Variants in ICOS observed in about 807,000 individuals in gnomAD.
ICOS encodes the protein inducible T cell costimulator, also known as inducible T-cell costimulator.
ICOS carries 15 observed loss-of-function variants against 24.6 expected under a neutral mutation model. The observed-to-expected ratio is 0.61, with a 90% CI of 0.41 to 0.94. The LOEUF (loss-of-function observed/expected upper bound fraction) is 0.94. ICOS is among the 40% of genes least tolerant of loss of function. The pLI is 0.00. For missense variants in ICOS, 200 were observed against 233.0 expected (o/e 0.86, Z 0.92); for synonymous variants, 89 against 77.5 (o/e 1.15, Z -0.78).
intron 1 of ICOS, among the ~76,000 whole-genome samples, chr2:203,951,875 A>G (rs190905358): frequency 1.4e-4 from 21 of 152,356 alleles, no homozygotes; most frequent in African/African-American, 5.0e-4. Context: ...ATAAAGCCCC[A>G]AGCAAAATAC....
intron 1 of ICOS, 60 bp downstream of exon 1, chr2:203,936,932 G>T (rs1343630180): frequency 7.5e-7 from 1 of 1,339,026 alleles, no homozygotes. Flanking sequence ...TTAAGAAAAA[G>T]CAAAGGTAGA....
chr2:203,947,094 A>G (rs1055645690), intron 1 of ICOS, among the ~76,000 whole-genome samples: 8 of 152,202 alleles, frequency 5.3e-5, no homozygotes, highest in African/African-American at 1.9e-4. Flanking sequence ...TATTAAAAGC[A>G]TCAACTTGCA....
rs115107750 is a variant in ICOS at position 203,959,368 on chromosome 2, T to C, written c.587-218T>C. Reference sequence around the variant, plus strand: ...TGATGAGTTTAGATAATGTCTGTTATAGGAGTCGAGAGCTAAACTTCTCTG... The same window carrying C: ...TGATGAGTTTAGATAATGTCTGTTACAGGAGTCGAGAGCTAAACTTCTCTG... On this transcript the variant is annotated intron_variant, in intron 4 of 4. Coordinates refer to ENST00000316386, the MANE Select transcript of ICOS (RefSeq NM_012092.4). 6.9e-3 allele frequency among the ~76,000 whole-genome samples: 1,058 copies of C among 152,242 alleles called. 8 individuals carry two copies. The highest frequency in any genetic ancestry group is 0.024 in the African/African-American group (1,014 of 41,538).
At chr2:203,950,876 A>T (rs1323329089) in intron 1 of ICOS, among the ~76,000 whole-genome samples, 1 of 152,010 alleles carries the variant, frequency 6.6e-6, no homozygotes, top group African/African-American at 2.4e-5. Flanking sequence ...CCTGGCCAAC[A>T]CGGTGAAACC....
At chr2:203,943,365 CT>C (rs1197883400) in intron 1 of ICOS, among the ~76,000 whole-genome samples, 1 of 151,808 alleles carries the variant, frequency 6.6e-6, no homozygotes, top group Non-Finnish European at 1.5e-5. Flanking sequence ...TGATATCATA[CT>C]TTCCCCTTTT....
In ICOS at chr2:203,961,462, T is replaced by A. The variant is rs997748353; in HGVS notation, c.*1863T>A. 1.3e-5 allele frequency: 2 copies of A among 156,278 alleles called. No homozygotes were observed. The highest frequency in any genetic ancestry group is 4.8e-5 in the African/African-American group (2 of 41,460). The allele number at this position is 156,278 out of a possible 1,614,324, so 9.7% of individuals were successfully genotyped here. ...GCATGGGACACCTCAAGATGAATAA[T>A]AATTCACAAAATTTCTGTGAAATCA... On this transcript the variant is annotated 3_prime_UTR_variant, in exon 5 of 5. Transcript: ENST00000316386.
intron 1 of ICOS, among the ~76,000 whole-genome samples, chr2:203,941,044 C>T (rs1181865502): frequency 3.3e-5 from 5 of 152,178 alleles, no homozygotes; most frequent in Non-Finnish European, 7.3e-5. Flanking sequence ...TCCGCCTCCG[C>T]CTCCGCCTCC....
intron 1 of ICOS, among the ~76,000 whole-genome samples, chr2:203,945,420 G>C (rs189592921): frequency 6.6e-6 from 1 of 152,160 alleles, no homozygotes; most frequent in Non-Finnish European, 1.5e-5. Flanking sequence ...GAAAAGACAG[G>C]GTTTGGATTT....
At chr2:203,938,523 A>G (rs767415815) in intron 1 of ICOS, among the ~76,000 whole-genome samples, 5 of 152,186 alleles carry the variant, frequency 3.3e-5, no homozygotes, top group Non-Finnish European at 7.3e-5. Context: ...TAGAGGCCAG[A>G]CCATTCAGAC....
chr2:203,946,166 A>G (rs1026903610), intron 1 of ICOS, among the ~76,000 whole-genome samples: 21 of 152,232 alleles, frequency 1.4e-4, no homozygotes, highest in African/African-American at 5.1e-4. Flanking sequence ...TTTGTAAATT[A>G]ATTGCTTTGT....
At chr2:203,954,040 G>T (rs1158159927) in intron 1 of ICOS, among the ~76,000 whole-genome samples, 2 of 151,928 alleles carry the variant, frequency 1.3e-5, no homozygotes, top group Admixed American at 1.3e-4. Context: ...CAAAGACCAA[G>T]ATTTCAAAAC....
At chr2:203,951,096 A>G (rs997908136) in intron 1 of ICOS, among the ~76,000 whole-genome samples, 1 of 151,842 alleles carries the variant, frequency 6.6e-6, no homozygotes, top group Non-Finnish European at 1.5e-5. Context: ...TAGAAATGAC[A>G]CTCTGAAATC....
intron 1 of ICOS, among the ~76,000 whole-genome samples, chr2:203,950,055 A>C (rs991202164): frequency 5.9e-5 from 9 of 152,258 alleles, no homozygotes; most frequent in Non-Finnish European, 1.2e-4. Flanking sequence ...CCAAAGGCTA[A>C]GAAGAATTTG....
intron 1 of ICOS, among the ~76,000 whole-genome samples, chr2:203,952,828 A>G (rs1406044297): frequency 6.6e-6 from 1 of 152,170 alleles, no homozygotes; most frequent in Admixed American, 6.5e-5. Flanking sequence ...ATTCAGGTAT[A>G]TAAATCATGA....
At chr2:203,954,169 A>G (rs989826618) in intron 1 of ICOS, among the ~76,000 whole-genome samples, 1 of 152,238 alleles carries the variant, frequency 6.6e-6, no homozygotes, top group Non-Finnish European at 1.5e-5. Context: ...TTGAATTTAT[A>G]GTCTAATAAC....
At chr2:203,959,327 G>A (rs1690129294) in intron 4 of ICOS, among the ~76,000 whole-genome samples, 1 of 152,186 alleles carries the variant, frequency 6.6e-6, no homozygotes, top group African/African-American at 2.4e-5. Flanking sequence ...GCAATCAGAG[G>A]TGGACAGTTT....
rs565031797 is a variant in ICOS, at chr2:203,943,612, C to A, written c.58+6740C>A. 3.3e-5 allele frequency among the ~76,000 whole-genome samples: 5 copies of A among 152,258 alleles called. No individual in the cohort carries two copies. In the South Asian group the frequency reaches 1.0e-3, roughly 32 times the overall value. The stretch of plus-strand genomic sequence containing the variant: ...CCTTTAGCTTTGGTGGTTTAATGCT[C>A]TATTTTTGTGCTGGTTGGCCTCCTG... On this transcript the variant is annotated intron_variant, in intron 1 of 4. Transcript: ENST00000316386.
chr2:203,943,514 A>G (rs1028056050), intron 1 of ICOS, among the ~76,000 whole-genome samples: 2 of 152,112 alleles, frequency 1.3e-5, no homozygotes, highest in Non-Finnish European at 2.9e-5. Flanking sequence ...TGAACCATCT[A>G]TGGGTCTCTC....
At chr2:203,950,229 C>T (rs7589392) in intron 1 of ICOS, among the ~76,000 whole-genome samples, 7,134 of 152,184 alleles carry the variant, frequency 0.047, 402 homozygotes, top group African/African-American at 0.13. Context: ...GGCCTAGGGG[C>T]GAAATCTGGT....
Sources: gnomAD v4.1 joint callset for allele counts (sites outside exome capture counted in the v4.1 genomes callset) on GRCh38, gnomAD v4.1.1 for gene constraint, MANE v1.5 for transcripts, NCBI Gene and HGNC (gene_info 2026-07-23, HGNC 2026-07-21) for gene names.